DCC: variants seen among roughly 807,000 people sequenced by gnomAD.
The protein encoded by DCC is netrin receptor DCC.
DCC carries 58 observed loss-of-function variants against 172.5 expected under a neutral mutation model. The ratio of observed to expected loss-of-function variants is 0.34; its 90% CI spans 0.27 to 0.42. The LOEUF (loss-of-function observed/expected upper bound fraction) is 0.42. DCC is among the 10% of genes least tolerant of loss of function. The pLI, the probability that DCC is intolerant of heterozygous loss-of-function variation, is 1.00. For synonymous variants in DCC, 709 were observed against 644.5 expected (o/e 1.10, Z -1.52); for missense variants, 1,740 against 1,791.0 (o/e 0.97, Z 0.51).
chr18:53,003,356 A>T (rs1010066677), intron 5 of DCC, among the ~76,000 whole-genome samples: 1 of 152,170 alleles, frequency 6.6e-6, no homozygotes, highest in Admixed American at 6.5e-5. Flanking sequence ...TACACATTGA[A>T]CTTAGTAACA....
At chr18:53,415,500 A>T (rs1018868673) in intron 20 of DCC, among the ~76,000 whole-genome samples, 57 of 152,198 alleles carry the variant, frequency 3.7e-4, no homozygotes, top group Non-Finnish European at 7.8e-4. Context: ...AGAAAAAAAA[A>T]GTCATCTTTA....
intron 25 of DCC, among the ~76,000 whole-genome samples, chr18:53,472,033 G>A (rs937128361): frequency 8.5e-5 from 13 of 152,110 alleles, no homozygotes; most frequent in African/African-American, 3.1e-4. Context: ...ATACCATTTA[G>A]TCAAATGAAA....
At chr18:53,154,374 T>G (rs1295238507) in intron 7 of DCC, among the ~76,000 whole-genome samples, 2 of 152,172 alleles carry the variant, frequency 1.3e-5, no homozygotes, top group African/African-American at 4.8e-5. Flanking sequence ...GAAGCCTTGT[T>G]TACGGAGAAA....
chr18:53,453,519 A>AAG (rs2045444131), intron 23 of DCC, among the ~76,000 whole-genome samples: 2 of 149,962 alleles, frequency 1.3e-5, no homozygotes, highest in Non-Finnish European at 1.5e-5. Context: ...AAAAAGTTCT[A>AAG]TGGACTCTCA....
intron 2 of DCC, among the ~76,000 whole-genome samples, chr18:52,794,694 G>A (rs1219116952): frequency 6.6e-6 from 1 of 152,002 alleles, no homozygotes; most frequent in Non-Finnish European, 1.5e-5. Context: ...GTGAAAGTGG[G>A]CATCCTTGTC....
intron 2 of DCC, among the ~76,000 whole-genome samples, chr18:52,810,586 C>G (rs1174887079): frequency 6.6e-6 from 1 of 152,116 alleles, no homozygotes; most frequent in Non-Finnish European, 1.5e-5. Flanking sequence ...GAAAGTCCCC[C>G]ATGTGGCTGG....
At chr18:52,782,924 A>T (rs8083778) in intron 2 of DCC, among the ~76,000 whole-genome samples, 4,427 of 152,144 alleles carry the variant, frequency 0.029, 217 homozygotes, top group African/African-American at 0.1. Context: ...CAGCAAGGTA[A>T]ATCATCACTA....
chr18:53,017,058 GT>G (rs58766349), intron 5 of DCC, among the ~76,000 whole-genome samples: 6 of 143,626 alleles, frequency 4.2e-5, no homozygotes, highest in African/African-American at 1.3e-4. Context: ...ATCATGGTAT[GT>G]TTTTTTTTTC....
At chr18:52,410,898 T>G (rs1986821859) in intron 1 of DCC, among the ~76,000 whole-genome samples, 2 of 152,184 alleles carry the variant, frequency 1.3e-5, no homozygotes, top group African/African-American at 2.4e-5. Context: ...AGTGACTTTT[T>G]ATAGACAACT....
At chr18:52,648,197 C>A (rs567318532) in intron 1 of DCC, among the ~76,000 whole-genome samples, 2 of 152,290 alleles carry the variant, frequency 1.3e-5, no homozygotes, top group East Asian at 1.9e-4. Flanking sequence ...TAACAGTGCA[C>A]CTCTCTTCTG....
intron 8 of DCC, among the ~76,000 whole-genome samples, chr18:53,172,046 ATAAAT>A (rs1031612523): frequency 7.9e-5 from 12 of 152,256 alleles, no homozygotes; most frequent in Admixed American, 5.9e-4. Context: ...TATATCCAAA[ATAAAT>A]TAAATAATTC....
intron 1 of DCC, among the ~76,000 whole-genome samples, chr18:52,652,768 G>A (rs1374248965): frequency 6.8e-6 from 1 of 147,846 alleles, no homozygotes; most frequent in African/African-American, 2.5e-5. Flanking sequence ...TTGATTAGAG[G>A]ATGGAGTAAA....
intron 2 of DCC, among the ~76,000 whole-genome samples, chr18:52,864,583 C>A (rs185382253): frequency 6.6e-6 from 1 of 151,982 alleles, no homozygotes; most frequent in Non-Finnish European, 1.5e-5. Flanking sequence ...GGTATACACA[C>A]GTTACATAGG....
chr18:52,479,546 C>G (rs1254592944), intron 1 of DCC, among the ~76,000 whole-genome samples: 1 of 150,160 alleles, frequency 6.7e-6, no homozygotes. Context: ...CTCTCTCTCT[C>G]TGTCTCTCTC....
chr18:53,168,264 C>T (rs141794403), intron 8 of DCC, among the ~76,000 whole-genome samples: 6,920 of 152,054 alleles, frequency 0.046, 406 homozygotes, highest in African/African-American at 0.14. Context: ...CACATGCACA[C>T]GTGTGTTTAT....
chr18:53,347,415 A>T (rs2057738324), intron 15 of DCC, among the ~76,000 whole-genome samples: 1 of 152,172 alleles, frequency 6.6e-6, no homozygotes, highest in Admixed American at 6.5e-5. Flanking sequence ...GGATGAGCCA[A>T]AAAGAGCTTA....
intron 1 of DCC, among the ~76,000 whole-genome samples, chr18:52,484,735 C>T (rs1280466205): frequency 6.6e-6 from 1 of 151,480 alleles, no homozygotes; most frequent in Non-Finnish European, 1.5e-5. Context: ...CTGCACCTAT[C>T]AAACCACCAT....
At chr18:53,512,156 G>GACCCCCCAGCAGCCTAACTGGGAGGC (rs1011618830) in intron 27 of DCC, among the ~76,000 whole-genome samples, 2 of 151,014 alleles carry the variant, frequency 1.3e-5, no homozygotes, top group African/African-American at 4.9e-5. Flanking sequence ...CCCTGACCCC[G>GACCCCCCAGCAGCCTAACTGGGAGGC]ACCCCCCAGC....
At chr18:53,081,597 G>A (rs891513152) in intron 7 of DCC, among the ~76,000 whole-genome samples, 1 of 151,850 alleles carries the variant, frequency 6.6e-6, no homozygotes, top group African/African-American at 2.4e-5. Context: ...CGTCACATGT[G>A]CCTCATTTAA....
Sources: allele counts gnomAD v4.1 joint callset (sites outside exome capture counted in the v4.1 genomes callset), GRCh38; gene constraint gnomAD v4.1.1; transcripts MANE v1.5; gene names NCBI Gene and HGNC (gene_info 2026-07-23, HGNC 2026-07-21).